HECTD4: variants seen among roughly 807,000 people sequenced by gnomAD.
HECTD4 encodes HECT domain E3 ubiquitin protein ligase 4, also known as probable E3 ubiquitin-protein ligase HECTD4.
In HECTD4, 114 loss-of-function variants were observed where a neutral mutation model predicts 471.5. The ratio of observed to expected loss-of-function variants is 0.24; its 90% CI spans 0.21 to 0.28. The LOEUF (loss-of-function observed/expected upper bound fraction) is 0.28, where lower values mean the gene tolerates loss of function less well. HECTD4 is among the 10% of genes least tolerant of loss of function. HECTD4 has a pLI of 1.00. For missense variants in HECTD4, 3,866 were observed against 5,651.5 expected (o/e 0.68, Z 10.13); for synonymous variants, 2,012 against 2,256.0 (o/e 0.89, Z 3.07).
At chr12:112,363,949 A>AC (rs1434971419) in intron 1 of HECTD4, among the ~76,000 whole-genome samples, 1 of 127,978 alleles carries the variant, frequency 7.8e-6, no homozygotes, top group Admixed American at 9.9e-5. Context: ...CCGAGATCGT[A>AC]CCCCTGCACT....
rs574227888 is a variant in HECTD4, at chr12:112,321,931, A to C, written c.178-2189T>G. The C allele has an allele frequency of 2.6e-5, 4 of 152,076 alleles. No homozygotes were observed. The East Asian group carries it at 7.7e-4, about 29-fold the overall frequency. 9.4% of individuals were successfully genotyped at this position (152,076 alleles called of 1,614,324 possible). A position where few individuals can be genotyped will look rare whatever the true frequency, so the allele number is the denominator to read the frequency against. On this transcript the variant is annotated intron_variant, in intron 1 of 75. Transcript: ENST00000682272. ...AGAAAGAAAAAGACATCCAAAAAAAAAAACATTACAAAGAAATGGTAAGCT... is the reference window on the plus strand; with the variant it reads ...AGAAAGAAAAAGACATCCAAAAAAACAAACATTACAAAGAAATGGTAAGCT...
At chr12:112,248,767 G>A (rs2033814066) in intron 25 of HECTD4, among the ~76,000 whole-genome samples, 2 of 151,940 alleles carry the variant, frequency 1.3e-5, no homozygotes, top group South Asian at 4.2e-4. Flanking sequence ...AAAAATTTTA[G>A]GGTGGCGGTT....
At chr12:112,354,677 T>G (rs937077202) in intron 1 of HECTD4, among the ~76,000 whole-genome samples, 12 of 151,964 alleles carry the variant, frequency 7.9e-5, no homozygotes, top group Non-Finnish European at 1.6e-4. Flanking sequence ...CAGAGCAGAC[T>G]GTCTCAACAA....
chr12:112,256,158 C>T (rs991807599), intron 21 of HECTD4, among the ~76,000 whole-genome samples, 162 bp downstream of exon 21: 1 of 152,238 alleles, frequency 6.6e-6, no homozygotes, highest in Non-Finnish European at 1.5e-5. Flanking sequence ...CCCTCAATCA[C>T]TACCCTTCAA....
rs752269268 is a variant in HECTD4, at chr12:112,239,950, G to A, written c.5036C>T (p.Ser1679Phe). ...AFGETMTSVV[S>F]LCARYPIACA... ...AGCGATAGGGTAACGAGCACACAGA[G>A]ACACAACAGAGGTCATGGTCTCGCC... The change falls in exon 33 of 76, where the codon TCT becomes TTT. Residue 1679 changes from serine (S) to phenylalanine (F), a missense_variant. Around this residue, in one of 16 missense-constraint regions of HECTD4, gnomAD observed 229 missense variants for 386.4 expected, o/e 0.59. Transcript: ENST00000682272. The surrounding 1 kb of genome is among the most constrained non-coding windows in gnomAD (Gnocchi z 4.9). 3.1e-6 allele frequency: 5 copies of A among 1,614,038 alleles called. No individual in the cohort carries two copies. The highest frequency in any genetic ancestry group is 2.7e-5 in the African/African-American group (2 of 75,064).
chr12:112,162,342 A>C lies in HECTD4; in HGVS notation c.*45T>G. On this transcript the variant is annotated 3_prime_UTR_variant, in exon 76 of 76. Coordinates refer to ENST00000682272, the MANE Select transcript of HECTD4 (RefSeq NM_001388303.1). The surrounding 1 kb of genome is among the most constrained non-coding windows in gnomAD (Gnocchi z 5.2). ...CGCAGTGGTGGCTTCCCAAGCCAGC[A>C]GAGTGGGTGCCTCAGTGACAGCCTA... 1 of 1,612,368 alleles carries C rather than the reference A, an allele frequency of 6.2e-7. No homozygotes were observed. The highest frequency in any genetic ancestry group is 1.1e-5 in the South Asian group (1 of 90,982).
chr12:112,303,604 C>T (rs1441042412), intron 7 of HECTD4, among the ~76,000 whole-genome samples: 1 of 152,086 alleles, frequency 6.6e-6, no homozygotes. Flanking sequence ...TATCCTAGCA[C>T]TTTGGGAGGC....
chr12:112,240,003 C>T lies in HECTD4; in HGVS notation c.4983G>A (p.Gly1661=). 2 of 1,613,946 alleles carry T rather than the reference C, an allele frequency of 1.2e-6. No homozygotes were observed. Among genetic ancestry groups the T allele is most frequent in the South Asian group, 2.2e-5 (2 of 91,076 alleles). The change falls in exon 33 of 76, where the codon GGG becomes GGA. Residue 1661 remains glycine, a synonymous_variant. Coordinates refer to ENST00000682272, the MANE Select transcript of HECTD4 (RefSeq NM_001388303.1). The part of the protein sequence containing the change: ...GPRIEELTCG[G]MVEQVQEAFG... ...AGGCTTCCTGGACCTGCTCGACCATCCCACCACATGTGAGTTCTTCAATTC... is the reference window on the plus strand; with the variant it reads ...AGGCTTCCTGGACCTGCTCGACCATTCCACCACATGTGAGTTCTTCAATTC...
chr12:112,320,909 C>T (rs1267810245), intron 1 of HECTD4, among the ~76,000 whole-genome samples: 1 of 151,024 alleles, frequency 6.6e-6, no homozygotes. Context: ...GTGCAATGGC[C>T]GATCTCAGCT....
At chr12:112,186,211 A>G (rs571041864) in intron 60 of HECTD4, among the ~76,000 whole-genome samples, 1 of 151,306 alleles carries the variant, frequency 6.6e-6, no homozygotes, top group South Asian at 2.1e-4. Flanking sequence ...GCTGGTCTAG[A>G]ACTCCTGGGC....
chr12:112,226,736 G>GC lies in HECTD4; in HGVS notation c.6876dup (p.Leu2293AlafsTer9). On this transcript the variant is annotated frameshift_variant, in exon 44 of 76. Coordinates refer to ENST00000682272, the MANE Select transcript of HECTD4 (RefSeq NM_001388303.1). LOFTEE classifies it high-confidence loss of function. Reference sequence around the variant, plus strand: ...TCACAAAATAAGCTGTCTTCTAAAAGCTGGGCCATGACCAGGCATGCTCTT... The same window carrying GC: ...TCACAAAATAAGCTGTCTTCTAAAAGCCTGGGCCATGACCAGGCATGCTCTT... 6.2e-7 allele frequency: 1 copy of GC among 1,612,144 alleles called. No individual in the cohort carries two copies. Among genetic ancestry groups the GC allele is most frequent in the Non-Finnish European group, 8.5e-7 (1 of 1,178,762 alleles).
chr12:112,199,406 C>T (rs1424440065), intron 55 of HECTD4, among the ~76,000 whole-genome samples: 1 of 152,016 alleles, frequency 6.6e-6, no homozygotes, highest in African/African-American at 2.4e-5. Flanking sequence ...GAGGTCTTGC[C>T]GTCTAGATAG....
intron 44 of HECTD4, among the ~76,000 whole-genome samples, chr12:112,223,065 TAAG>T (rs1227199075): frequency 6.6e-6 from 1 of 152,044 alleles, no homozygotes; most frequent in African/African-American, 2.4e-5. Context: ...TAGGTAAAAG[TAAG>T]GAGGGTCAGG....
intron 1 of HECTD4, among the ~76,000 whole-genome samples, chr12:112,367,979 A>G (rs2036599682): frequency 6.6e-6 from 1 of 152,160 alleles, no homozygotes; most frequent in African/African-American, 2.4e-5. Flanking sequence ...AATATAGTAA[A>G]CATTGAAAAG....
chr12:112,201,674 A>G (rs1472086458), intron 54 of HECTD4, among the ~76,000 whole-genome samples: 1 of 152,194 alleles, frequency 6.6e-6, no homozygotes, highest in African/African-American at 2.4e-5. Flanking sequence ...TACCAGATGG[A>G]AAATTTTTAT....
At chr12:112,373,067 C>G (rs2036714087) in intron 1 of HECTD4, among the ~76,000 whole-genome samples, 1 of 152,112 alleles carries the variant, frequency 6.6e-6, no homozygotes, top group Non-Finnish European at 1.5e-5. Flanking sequence ...TTAATTCTGA[C>G]ATTAGCCCTA....
intron 9 of HECTD4, 141 bp from the exon 10 acceptor site, chr12:112,275,101 T>C (rs1458459030): frequency 1.8e-6 from 1 of 556,108 alleles, no homozygotes; most frequent in African/African-American, 1.9e-5. Context: ...GGTAAAGAGA[T>C]GGAGAATACA....
intron 44 of HECTD4, among the ~76,000 whole-genome samples, chr12:112,223,517 T>C (rs1368535760): frequency 1.3e-5 from 2 of 152,202 alleles, no homozygotes; most frequent in East Asian, 1.9e-4. Flanking sequence ...CCTCCTGGGA[T>C]CAACTGATTC....
Position 112,334,718 on chromosome 12 carries a change from G to A in HECTD4, c.178-14976C>T, listed in dbSNP as rs368919509. On this transcript the variant is annotated intron_variant, in intron 1 of 75. Transcript: ENST00000682272. ...CCAGCTACTCGAGAGGCTGAGGCAG[G>A]AGAATTGCTTGAACCTGGGAGGGAG... Among the ~76,000 whole-genome samples the A allele has an allele frequency of 2.1e-4, 31 of 150,810 alleles. No individual in the cohort carries two copies. The East Asian group carries it at 4.5e-3, about 22-fold the overall frequency.
Sources: gnomAD v4.1 joint callset for allele counts (sites outside exome capture counted in the v4.1 genomes callset) on GRCh38, gnomAD v4.1.1 for gene constraint, gnomAD v4.1.1 regional missense constraint, Gnocchi (gnomAD v3.1) non-coding constraint, MANE v1.5 for transcripts, NCBI Gene and HGNC (gene_info 2026-07-23, HGNC 2026-07-21) for gene names.